Variants in CSPG4 observed in about 807,000 individuals in gnomAD.
CSPG4 encodes chondroitin sulfate proteoglycan 4 (melanoma-associated).
Under a neutral mutation model 139.3 loss-of-function variants are expected in CSPG4, and 74 were observed. The ratio of observed to expected loss-of-function variants is 0.53; its 90% CI spans 0.44 to 0.64. CSPG4 has a LOEUF of 0.64. Among genes scored for constraint, CSPG4 ranks in the 30% least tolerant of loss-of-function variants. CSPG4 has a pLI of 0.00. For synonymous variants in CSPG4, 1,234 were observed against 1,394.2 expected, an observed-to-expected ratio of 0.89 and a Z score of 2.56; for missense variants, 2,565 against 3,148.3, an observed-to-expected ratio of 0.81 and a Z score of 4.43.
intron 1 of CSPG4, among the ~76,000 whole-genome samples, chr15:75,695,509 C>A (rs574288128): frequency 4.6e-5 from 7 of 152,188 alleles, no homozygotes; most frequent in African/African-American, 1.4e-4. Flanking sequence ...GGCAGCCCCC[C>A]ACCCCAACAG....
Position 75,675,129 on chromosome 15 carries a change from T to G in CSPG4, c.*421A>C, listed in dbSNP as rs1893871048. ...TGGGTTGGAGTGGAAAAGCCAGGAA[T>G]AGCTTCCTCTGTCCCTTCCCTCCCC... On this transcript the variant is annotated 3_prime_UTR_variant, in exon 10 of 10. Transcript: ENST00000308508. 3.1e-6 allele frequency: 1 copy of G among 317,898 alleles called. No homozygotes were observed. Among genetic ancestry groups the G allele is most frequent in the Admixed American group, 4.9e-5 (1 of 20,222 alleles). The allele number at this position is 317,898 out of a possible 1,614,324, so 19.7% of individuals were successfully genotyped here. A position where few individuals can be genotyped will look rare whatever the true frequency, so the allele number is the denominator to read the frequency against.
At chr15:75,707,538 A>T (rs1288145162) in intron 1 of CSPG4, among the ~76,000 whole-genome samples, 2 of 152,178 alleles carry the variant, frequency 1.3e-5, no homozygotes, top group Admixed American at 1.3e-4. Flanking sequence ...CAGGAGTGGG[A>T]AGCTGGGGCA....
At position 75,696,756 on chromosome 15, in the gene CSPG4, G is replaced by T. The variant is rs1894231902; in HGVS notation, c.89-3523C>A. Among the ~76,000 whole-genome samples, 1 of 152,180 alleles carries T rather than the reference G, an allele frequency of 6.6e-6. No homozygotes were observed. Among genetic ancestry groups the T allele is most frequent in the South Asian group, 2.1e-4 (1 of 4,826 alleles). On this transcript the variant is annotated intron_variant, in intron 1 of 9. Coordinates refer to ENST00000308508, the MANE Select transcript of CSPG4 (RefSeq NM_001897.5). The surrounding 1 kb of genome is among the most constrained non-coding windows in gnomAD (Gnocchi z 4.2). The stretch of plus-strand genomic sequence containing the variant: ...ACAGGGCACTGCTGTCTGGGCCTGA[G>T]GGTGGGGTGGCTCCATCCTTCTTCC...
intron 1 of CSPG4, among the ~76,000 whole-genome samples, chr15:75,709,480 T>C (rs536528719): frequency 9.2e-5 from 14 of 152,256 alleles, no homozygotes; most frequent in African/African-American, 3.4e-4. Context: ...GGCACCCCTG[T>C]CCCCATCCTG....
At chr15:75,692,922 C>T (rs1894183577) in intron 2 of CSPG4, 148 bp downstream of exon 2, 3 of 587,192 alleles carry the variant, frequency 5.1e-6, no homozygotes, top group African/African-American at 3.7e-5. Flanking sequence ...CATTTCTGGG[C>T]TGCTGCTGCC....
chr15:75,689,215 G>A lies in CSPG4; in HGVS notation c.1850C>T (p.Ser617Phe), dbSNP rs1290253136. Residue 617 changes from serine (S) to phenylalanine (F), a missense_variant, in exon 3 of 10, where the codon TCC (serine) becomes TTC (phenylalanine). By Grantham distance (155) the Ser-to-Phe change is radical (BLOSUM62 -2). This residue lies in a region of CSPG4 where 2,316 missense variants were observed against 2,818.2 expected (regional missense o/e 0.82). Transcript: ENST00000308508. ...DQPGEPATEF[S>F]CRELEAGSLV... ...GCTGCCGGCCTCCAACTCCCGGCAG[G>A]AGAACTCGGTCGCCGGCTCCCCAGG... 2 of 1,609,382 alleles carry A rather than the reference G, an allele frequency of 1.2e-6. No homozygotes were observed. Among genetic ancestry groups the A allele is most frequent in the East Asian group, 2.2e-5 (1 of 44,866 alleles).
intron 1 of CSPG4, among the ~76,000 whole-genome samples, chr15:75,702,501 C>G (rs1419923383): frequency 1.3e-5 from 2 of 152,202 alleles, no homozygotes; most frequent in African/African-American, 4.8e-5. Flanking sequence ...TGCTTGGGGA[C>G]AGGACGTGGG....
chr15:75,687,311 C>T lies in CSPG4; in HGVS notation c.3754G>A (p.Gly1252Arg). The T allele has an allele frequency of 6.2e-7, 1 of 1,611,820 alleles. No homozygotes were observed. The highest frequency in any genetic ancestry group is 8.5e-7 in the Non-Finnish European group (1 of 1,179,990). The part of the protein sequence containing the change: ...VRHKKIYVFQ[G>R]EAAEIRRDQL... The stretch of plus-strand genomic sequence containing the variant: ...TCCCTTCTGATCTCAGCTGCCTCTC[C>T]CTGGAAGACGTAGATCTTCTTGTGC... Residue 1252 changes from glycine to arginine, a missense_variant, in exon 3 of 10, where the codon GGA (glycine) becomes AGA (arginine). Gly to Arg is a moderately radical substitution (Grantham distance 125, BLOSUM62 -2). This residue lies in a region of CSPG4 where 2,316 missense variants were observed against 2,818.2 expected (regional missense o/e 0.82). Transcript: ENST00000308508. The surrounding 1 kb of genome is among the most constrained non-coding windows in gnomAD (Gnocchi z 5.4).
At chr15:75,702,603 T>A (rs1296297222) in intron 1 of CSPG4, among the ~76,000 whole-genome samples, 1 of 152,142 alleles carries the variant, frequency 6.6e-6, no homozygotes, top group Non-Finnish European at 1.5e-5. Flanking sequence ...CTCCCCACCT[T>A]GTCTTACCTC....
rs1206895039 is a variant in CSPG4, at chr15:75,674,543, C to T, written c.*1007G>A. ...ACTGGCTGAGGCCAGGCCGGAGGGCCGACCCCAGGGGCCCTCTGTATGCAA... is the reference window on the plus strand; with the variant it reads ...ACTGGCTGAGGCCAGGCCGGAGGGCTGACCCCAGGGGCCCTCTGTATGCAA... On this transcript the variant is annotated 3_prime_UTR_variant, in exon 10 of 10. Coordinates refer to ENST00000308508, the MANE Select transcript of CSPG4 (RefSeq NM_001897.5). 1.5e-5 allele frequency: 6 copies of T among 391,466 alleles called. No homozygotes were observed. The highest frequency in any genetic ancestry group is 4.1e-5 in the African/African-American group (2 of 48,434). The allele number at this position is 391,466 out of a possible 1,614,324, so 24.2% of individuals were successfully genotyped here.
At chr15:75,693,747 G>A (rs1394447462) in intron 1 of CSPG4, among the ~76,000 whole-genome samples, 1 of 152,232 alleles carries the variant, frequency 6.6e-6, no homozygotes, top group Non-Finnish European at 1.5e-5. Context: ...CCTGTGCAGC[G>A]CCTGCTGTGC....
rs143854163 is a variant in CSPG4, at chr15:75,690,521, G to A, written c.544C>T (p.Arg182Trp). The change falls in exon 3 of 10, where the codon CGG becomes TGG. Residue 182 changes from arginine to tryptophan, a missense_variant. Arg to Trp is a moderately radical substitution (Grantham distance 101, BLOSUM62 -3). Around this residue, in one of 5 missense-constraint regions of CSPG4, gnomAD observed 132 missense variants for 132.3 expected, o/e 1.00. Transcript: ENST00000308508. ...TCATGCACATCGGGGGTCAGAGGCC[G>A]GAGGAGGCTGCGGCCATTGAGGGTG... Reference protein sequence around the residue: ...AATLNGRSLLRPLTPDVHEGC... With the variant: ...AATLNGRSLLWPLTPDVHEGC... The A allele has an allele frequency of 4.2e-5, 68 of 1,609,628 alleles. No homozygotes were observed. The African/African-American group carries it at 6.7e-4, about 16-fold the overall frequency.
chr15:75,694,948 G>C (rs1409570232), intron 1 of CSPG4, among the ~76,000 whole-genome samples: 1 of 152,232 alleles, frequency 6.6e-6, no homozygotes, highest in African/African-American at 2.4e-5. Flanking sequence ...AGGGGTGGGG[G>C]CACATGGCCC....
chr15:75,687,887 G>C lies in CSPG4; in HGVS notation c.3178C>G (p.Arg1060Gly), dbSNP rs542356318. 3 of 1,612,942 alleles carry C rather than the reference G, an allele frequency of 1.9e-6. No individual in the cohort carries two copies. Among genetic ancestry groups the C allele is most frequent in the Non-Finnish European group, 2.5e-6 (3 of 1,180,038 alleles). ...ATACTGCCAAAGAGGAGGTCCTTGC[G>C]GGTAAGCACCAGCTGGGCGTCAGCA... ...GFADAQLVLT[R>G]KDLLFGSIVA... The change falls in exon 3 of 10, where the codon CGC becomes GGC. Residue 1060 changes from arginine (R) to glycine (G), a missense_variant. Arg to Gly is a moderately radical substitution (Grantham distance 125). This residue lies in a region of CSPG4 where 2,316 missense variants were observed against 2,818.2 expected (regional missense o/e 0.82). Transcript: ENST00000308508. The surrounding 1 kb of genome is among the most constrained non-coding windows in gnomAD (Gnocchi z 5.4).
intron 1 of CSPG4, among the ~76,000 whole-genome samples, chr15:75,694,417 TAG>T: frequency 6.6e-6 from 1 of 151,984 alleles, no homozygotes; most frequent in South Asian, 2.1e-4. Flanking sequence ...GGCTGGGGGG[TAG>T]AGAAACACGG....
Position 75,676,560 on chromosome 15 carries a change from AC to A in CSPG4, c.5958del (p.Gln1986HisfsTer20), listed in dbSNP as rs1893895603. ...EAAYRLIQGP[Q>X]YGHLLVGGRP... ...CGCCCGCCCACCAGGAGATGCCCAT[AC>A]TGGGGTCCCTGGATGAGGCGGTATG... On this transcript the variant is annotated frameshift_variant, in exon 10 of 10. Transcript: ENST00000308508. LOFTEE classifies it high-confidence loss of function. The A allele has an allele frequency of 6.2e-7, 1 of 1,613,636 alleles. No individual in the cohort carries two copies. Among genetic ancestry groups the A allele is most frequent in the Non-Finnish European group, 8.5e-7 (1 of 1,179,948 alleles).
rs368040010 is a variant in CSPG4, at chr15:75,675,508, G to A, written c.*42C>T. ...GCAATGGGGCCCGGGACATGGGCAA[G>A]CCTGTCCCTGGCCCGATCAGCATCT... On this transcript the variant is annotated 3_prime_UTR_variant, in exon 10 of 10. Coordinates refer to ENST00000308508, the MANE Select transcript of CSPG4 (RefSeq NM_001897.5). The A allele has an allele frequency of 2.1e-6, 3 of 1,441,862 alleles. No individual in the cohort carries two copies. The African/African-American group carries it at 4.3e-5, about 21-fold the overall frequency. 89.3% of individuals were successfully genotyped at this position (1,441,862 alleles called of 1,614,324 possible).
chr15:75,690,470 T>A lies in CSPG4; in HGVS notation c.595A>T (p.Ser199Cys). The A allele has an allele frequency of 6.2e-7, 1 of 1,607,238 alleles. No individual in the cohort carries two copies. The highest frequency in any genetic ancestry group is 8.5e-7 in the Non-Finnish European group (1 of 1,177,142). Residue 199 changes from serine (S) to cysteine (C), a missense_variant, in exon 3 of 10, where the codon AGT becomes TGT. Coordinates refer to ENST00000308508, the MANE Select transcript of CSPG4 (RefSeq NM_001897.5). ...GAGAAGCCCAGGGCCACATCATCAC[T>A]GGCAGAAAACTCTTCAGCACAGCCC... ...HEGCAEEFSA[S>C]DDVALGFSGP...
chr15:75,693,531 G>A (rs1017714429), intron 1 of CSPG4, among the ~76,000 whole-genome samples: 45 of 152,306 alleles, frequency 3.0e-4, no homozygotes, highest in African/African-American at 9.1e-4. Context: ...AGAGGCCTCC[G>A]CCAGCTCTGA....
Sources: gnomAD v4.1 joint callset for allele counts (sites outside exome capture counted in the v4.1 genomes callset) on GRCh38, gnomAD v4.1.1 for gene constraint, gnomAD v4.1.1 regional missense constraint, Gnocchi (gnomAD v3.1) non-coding constraint, MANE v1.5 for transcripts, NCBI Gene and HGNC (gene_info 2026-07-23, HGNC 2026-07-21) for gene names.